SFMBT1: variants seen among roughly 807,000 people sequenced by gnomAD.
SFMBT1 encodes Scm like with four mbt domains 1.
In SFMBT1, 32 loss-of-function variants were observed where a neutral mutation model predicts 108.7. The observed-to-expected ratio is 0.29, with a 90% confidence interval of 0.22 to 0.40. SFMBT1 has a LOEUF of 0.40. SFMBT1 is among the 10% of genes least tolerant of loss of function. The pLI, the probability that SFMBT1 is intolerant of heterozygous loss-of-function variation, is 1.00. For synonymous variants in SFMBT1, 348 were observed against 369.5 expected, an observed-to-expected ratio of 0.94 and a Z score of 0.67; for missense variants, 816 against 1,059.6, an observed-to-expected ratio of 0.77 and a Z score of 3.19.
Position 53,045,932 on chromosome 3 carries a change from G to C in SFMBT1, c.-247C>G, listed in dbSNP as rs1250504745. 1 of 150,376 alleles carries C rather than the reference G, an allele frequency of 6.6e-6. No homozygotes were observed. Among genetic ancestry groups the C allele is most frequent in the Non-Finnish European group, 1.5e-5 (1 of 67,560 alleles). The allele number at this position is 150,376 out of a possible 1,614,324, so 9.3% of individuals were successfully genotyped here. On this transcript the variant is annotated 5_prime_UTR_variant, in exon 1 of 21. Transcript: ENST00000394752. ...CCCCGCGCGGAAGCTTTTTCCTCCC[G>C]TGCTGCCCGCGCTCGCCCGCTCGCG...
chr3:53,033,010 T>TA (rs1699738809), intron 1 of SFMBT1, among the ~76,000 whole-genome samples: 1 of 152,136 alleles, frequency 6.6e-6, no homozygotes, highest in Non-Finnish European at 1.5e-5. Context: ...AGACTCTGCC[T>TA]TTTGAAGTAT....
chr3:52,941,593 CAA>C (rs145581859), intron 4 of SFMBT1, among the ~76,000 whole-genome samples: 58 of 64,052 alleles, frequency 9.1e-4, no homozygotes, highest in African/African-American at 2.0e-3. Flanking sequence ...GACTCTGTTT[CAA>C]AAAAAAAAAA....
At chr3:52,968,584 C>A (rs1704226619) in intron 2 of SFMBT1, among the ~76,000 whole-genome samples, 1 of 147,840 alleles carries the variant, frequency 6.8e-6, no homozygotes, top group African/African-American at 2.5e-5. Flanking sequence ...AAAAAGAAGT[C>A]TGTTCAAAAC....
chr3:53,006,845 A>G lies in SFMBT1; in HGVS notation c.-130-37587T>C, dbSNP rs182121488. ...ATAATCTCATTTTACCTTCAGAACA[A>G]TTTGTAAAGTAGAACATTTGCTATA... On this transcript the variant is annotated intron_variant, in intron 1 of 20. Coordinates refer to ENST00000394752, the MANE Select transcript of SFMBT1 (RefSeq NM_016329.4). Among the ~76,000 whole-genome samples the G allele has an allele frequency of 5.9e-5, 9 of 152,274 alleles. No individual in the cohort carries two copies. The East Asian group carries it at 1.7e-3, about 29-fold the overall frequency.
At chr3:52,970,444 T>C (rs1050211543) in intron 1 of SFMBT1, among the ~76,000 whole-genome samples, 1 of 152,226 alleles carries the variant, frequency 6.6e-6, no homozygotes, top group African/African-American at 2.4e-5. Context: ...CGTTGCAGTA[T>C]GGATGAATCT....
At chr3:52,916,643 T>C (rs12629687) in intron 13 of SFMBT1, among the ~76,000 whole-genome samples, 85,962 of 151,006 alleles carry the variant, frequency 0.57, 24,958 homozygotes, top group Middle Eastern at 0.64. Flanking sequence ...CACTCCAGCC[T>C]AGGCAACAAA....
At position 53,041,698 on chromosome 3, in the gene SFMBT1, CAAAAAAAAAAAA is replaced by C. The variant is rs59502728; in HGVS notation, c.-131+4106_-131+4117del. 6.6e-4 allele frequency among the ~76,000 whole-genome samples: 29 copies of C among 44,140 alleles called. No individual in the cohort carries two copies. The East Asian group carries it at 8.1e-3, about 12-fold the overall frequency. The allele number at this position is 44,140 out of a possible 152,430, so 29.0% of individuals were successfully genotyped here. Reference sequence around the variant, plus strand: ...GGGCAACAAGAGTAAAAGTCTGTCTCAAAAAAAAAAAAAAAAAAAAAAAAAAAAAAAAATTCT... The same window carrying C: ...GGGCAACAAGAGTAAAAGTCTGTCTCAAAAAAAAAAAAAAAAAAAAATTCT... On this transcript the variant is annotated intron_variant, in intron 1 of 20. Coordinates refer to ENST00000394752, the MANE Select transcript of SFMBT1 (RefSeq NM_016329.4).
At chr3:53,013,041 G>A (rs1372217131) in intron 1 of SFMBT1, among the ~76,000 whole-genome samples, 1 of 151,450 alleles carries the variant, frequency 6.6e-6, no homozygotes, top group East Asian at 1.9e-4. Context: ...TTCCCAAACC[G>A]TAAACCATAT....
At chr3:53,039,403 T>C (rs531356444) in intron 1 of SFMBT1, among the ~76,000 whole-genome samples, 91 of 152,302 alleles carry the variant, frequency 6.0e-4, no homozygotes, top group Middle Eastern at 3.4e-3. Flanking sequence ...ATGAAGTACC[T>C]AGAATAGTCA....
At chr3:52,918,643 G>C (rs1472843643) in intron 12 of SFMBT1, 117 bp from the exon 13 acceptor site, 1 of 500,064 alleles carries the variant, frequency 2.0e-6, no homozygotes, top group East Asian at 3.4e-5. Flanking sequence ...GAGTGTGTGT[G>C]TATATATGTG....
chr3:52,968,693 G>T (rs185066024), intron 2 of SFMBT1, among the ~76,000 whole-genome samples: 1 of 149,456 alleles, frequency 6.7e-6, no homozygotes, highest in East Asian at 2.0e-4. Flanking sequence ...TCTGCCTCCT[G>T]GGTTCACACC....
Position 52,913,629 on chromosome 3 carries a change from A to C in SFMBT1, c.1481-12T>G. ...TCCATTAATCATAACTGGGAAATGA[A>C]GAAAAACAAATATTCAAAACAGTCA... On this transcript the variant is annotated splice_polypyrimidine_tract_variant and intron_variant, in intron 14 of 20. Transcript: ENST00000394752. 1 of 1,612,248 alleles carries C rather than the reference A, an allele frequency of 6.2e-7. No homozygotes were observed. Among genetic ancestry groups the C allele is most frequent in the Non-Finnish European group, 8.5e-7 (1 of 1,179,386 alleles).
chr3:52,956,759 T>G (rs554649664), intron 2 of SFMBT1, among the ~76,000 whole-genome samples: 16 of 152,178 alleles, frequency 1.1e-4, no homozygotes, highest in Non-Finnish European at 2.9e-5. Context: ...AGATTCCATC[T>G]CAAAAAATCA....
chr3:52,941,898 C>G (rs779052326), intron 4 of SFMBT1, among the ~76,000 whole-genome samples: 2 of 151,668 alleles, frequency 1.3e-5, no homozygotes, highest in Admixed American at 6.6e-5. Flanking sequence ...GATTCTGTCT[C>G]AAAAAAATAA....
rs374178747 is a variant in SFMBT1, at chr3:52,932,088, T to C, written c.674A>G (p.Gln225Arg). 3.7e-6 allele frequency: 6 copies of C among 1,614,012 alleles called. No individual in the cohort carries two copies. Among genetic ancestry groups the C allele is most frequent in the Non-Finnish European group, 5.1e-6 (6 of 1,180,042 alleles). The stretch of plus-strand genomic sequence containing the variant: ...TGAAGGGGGCTGAAGCTCATATCCC[T>C]GTTGAGCAGCCCAACCAACGTGATG... The part of the protein sequence containing the change: ...FLHHVGWAAQ[Q>R]GYELQPPSAI... The change falls in exon 6 of 21, where the codon CAG (glutamine) becomes CGG (arginine). Residue 225 changes from glutamine (Q) to arginine (R), a missense_variant. Transcript: ENST00000394752.
At chr3:52,977,121 T>C (rs950884949) in intron 1 of SFMBT1, among the ~76,000 whole-genome samples, 1 of 152,222 alleles carries the variant, frequency 6.6e-6, no homozygotes, top group African/African-American at 2.4e-5. Flanking sequence ...AGAAAGAGTT[T>C]AAACTGTCCT....
chr3:52,945,046 T>TTG (rs1258767144), intron 3 of SFMBT1, among the ~76,000 whole-genome samples: 2 of 150,144 alleles, frequency 1.3e-5, no homozygotes, highest in African/African-American at 4.9e-5. Flanking sequence ...TCAAGCAATC[T>TTG]GCCCATCTTG....
chr3:52,930,589 T>C (rs1196807060), intron 7 of SFMBT1, among the ~76,000 whole-genome samples, 159 bp from the exon 8 acceptor site: 1 of 152,186 alleles, frequency 6.6e-6, no homozygotes, highest in Non-Finnish European at 1.5e-5. Context: ...TTTTCTACTC[T>C]GGAAAAAACT....
intron 1 of SFMBT1, among the ~76,000 whole-genome samples, chr3:53,027,333 T>C (rs1488413628): frequency 6.6e-6 from 1 of 152,142 alleles, no homozygotes; most frequent in Non-Finnish European, 1.5e-5. Flanking sequence ...CGCTTTACAC[T>C]TTTTTGACAA....
Sources: allele counts gnomAD v4.1 joint callset (sites outside exome capture counted in the v4.1 genomes callset), GRCh38; gene constraint gnomAD v4.1.1; transcripts MANE v1.5; gene names NCBI Gene and HGNC (gene_info 2026-07-23, HGNC 2026-07-21).